ST6GALNAC5: variants seen among roughly 807,000 people sequenced by gnomAD.
The protein encoded by ST6GALNAC5 is ST6 N-acetylgalactosaminide alpha-2,6-sialyltransferase 5.
ST6GALNAC5 carries 27 observed loss-of-function variants against 33.6 expected under a neutral mutation model. The observed-to-expected ratio is 0.80, with a 90% CI of 0.59 to 1.11. The LOEUF is 1.11. ST6GALNAC5 is among the 50% of genes least tolerant of loss of function. The pLI, the probability that ST6GALNAC5 is intolerant of heterozygous loss-of-function variation, is 0.00. For synonymous variants in ST6GALNAC5, 194 were observed against 171.2 expected, an observed-to-expected ratio of 1.13 and a Z score of -1.04; for missense variants, 428 against 454.0, an observed-to-expected ratio of 0.94 and a Z score of 0.52.
chr1:76,997,004 C>T (rs1052598456), intron 2 of ST6GALNAC5, among the ~76,000 whole-genome samples: 1 of 152,162 alleles, frequency 6.6e-6, no homozygotes, highest in Non-Finnish European at 1.5e-5. Context: ...AGGAACATCA[C>T]ATGAACCCCT....
At chr1:77,010,882 G>A (rs1650609811) in intron 2 of ST6GALNAC5, among the ~76,000 whole-genome samples, 1 of 152,230 alleles carries the variant, frequency 6.6e-6, no homozygotes, top group Non-Finnish European at 1.5e-5. Flanking sequence ...TCCTGAAAAT[G>A]ATATTTGAAA....
At chr1:76,954,973 G>T (rs1647897028) in intron 2 of ST6GALNAC5, among the ~76,000 whole-genome samples, 1 of 152,118 alleles carries the variant, frequency 6.6e-6, no homozygotes, top group East Asian at 1.9e-4. Context: ...TATGGAGAAG[G>T]GATTGGGGAT....
chr1:76,887,474 T>C (rs74092209), intron 2 of ST6GALNAC5, among the ~76,000 whole-genome samples: 8,544 of 152,272 alleles, frequency 0.056, 633 homozygotes, highest in African/African-American at 0.17. Context: ...ATATCTTTTT[T>C]CATCCTATAA....
chr1:76,987,468 G>A (rs1570741506), intron 2 of ST6GALNAC5, among the ~76,000 whole-genome samples: 1 of 152,242 alleles, frequency 6.6e-6, no homozygotes, highest in East Asian at 1.9e-4. Context: ...TGGGAAAATT[G>A]GAACCCTCAT....
intron 2 of ST6GALNAC5, among the ~76,000 whole-genome samples, chr1:76,887,501 G>A (rs1570640280): frequency 1.3e-5 from 2 of 152,110 alleles, no homozygotes; most frequent in South Asian, 4.2e-4. Context: ...GTCTTTCTGT[G>A]TACTTATATT....
rs1384282759 is a variant in ST6GALNAC5, at chr1:76,868,272, G to T, written c.16-225G>T. Among the ~76,000 whole-genome samples, 4 of 152,014 alleles carry T rather than the reference G, an allele frequency of 2.6e-5. No individual in the cohort carries two copies. Among genetic ancestry groups the T allele is most frequent in the African/African-American group, 9.7e-5 (4 of 41,414 alleles). On this transcript the variant is annotated intron_variant, in intron 1 of 4. Transcript: ENST00000477717. The surrounding 1 kb of genome is among the most constrained non-coding windows in gnomAD (Gnocchi z 4.3). The stretch of plus-strand genomic sequence containing the variant: ...GTACACCACCTGCCCTCTACCGAGA[G>T]ATCTGGGCGGCGGCGGCCGAAAGCA...
At chr1:76,937,349 A>G (rs540470718) in intron 2 of ST6GALNAC5, among the ~76,000 whole-genome samples, 7 of 152,188 alleles carry the variant, frequency 4.6e-5, no homozygotes, top group African/African-American at 1.7e-4. Context: ...GATGTGACAG[A>G]TCACTCAAAA....
intron 2 of ST6GALNAC5, among the ~76,000 whole-genome samples, chr1:76,988,464 T>G (rs975475879): frequency 6.6e-6 from 1 of 152,100 alleles, no homozygotes; most frequent in Non-Finnish European, 1.5e-5. Context: ...ATCTTAGTCC[T>G]CTGGTGTTTG....
At chr1:76,985,684 A>T (rs1428682436) in intron 2 of ST6GALNAC5, among the ~76,000 whole-genome samples, 2 of 152,226 alleles carry the variant, frequency 1.3e-5, no homozygotes, top group African/African-American at 4.8e-5. Flanking sequence ...AGCAAAAAAG[A>T]GCCCGCATTG....
chr1:77,061,632 A>G (rs906264601), intron 4 of ST6GALNAC5, among the ~76,000 whole-genome samples: 22 of 152,314 alleles, frequency 1.4e-4, no homozygotes, highest in Middle Eastern at 3.4e-3. Context: ...TCAAATTAGG[A>G]AAGTTTGTCT....
intron 2 of ST6GALNAC5, among the ~76,000 whole-genome samples, chr1:76,884,415 A>G (rs1265546332): frequency 1.3e-5 from 2 of 152,122 alleles, no homozygotes; most frequent in East Asian, 3.8e-4. Flanking sequence ...GAGACTCCAT[A>G]ATGCATATTG....
intron 4 of ST6GALNAC5, among the ~76,000 whole-genome samples, chr1:77,059,707 T>G (rs1652513215): frequency 6.6e-6 from 1 of 152,184 alleles, no homozygotes; most frequent in African/African-American, 2.4e-5. Flanking sequence ...TTTTTCCCCA[T>G]TAATGTTCTG....
intron 2 of ST6GALNAC5, among the ~76,000 whole-genome samples, chr1:76,946,801 A>G (rs1012253997): frequency 3.9e-5 from 6 of 152,194 alleles, no homozygotes; most frequent in African/African-American, 1.4e-4. Context: ...AAACACACAC[A>G]GATTTTTATA....
chr1:76,885,093 A>G (rs1360497963), intron 2 of ST6GALNAC5, among the ~76,000 whole-genome samples: 1 of 152,158 alleles, frequency 6.6e-6, no homozygotes, highest in African/African-American at 2.4e-5. Context: ...CTTACTTTAT[A>G]TCTCTTTCAG....
chr1:76,928,422 G>A (rs559996751), intron 2 of ST6GALNAC5, among the ~76,000 whole-genome samples: 96 of 152,108 alleles, frequency 6.3e-4, no homozygotes, highest in Non-Finnish European at 9.1e-4. Flanking sequence ...TATCAGCTGT[G>A]TCACAAGTCC....
At chr1:77,028,489 G>A (rs1014028242) in intron 2 of ST6GALNAC5, among the ~76,000 whole-genome samples, 4 of 152,200 alleles carry the variant, frequency 2.6e-5, no homozygotes, top group African/African-American at 9.7e-5. Flanking sequence ...CCCACTTTCT[G>A]CAGCTTCAGA....
intron 2 of ST6GALNAC5, among the ~76,000 whole-genome samples, chr1:76,874,613 T>C (rs2100914041): frequency 6.6e-6 from 1 of 152,296 alleles, no homozygotes; most frequent in South Asian, 2.1e-4. Flanking sequence ...GCTGGGAGAC[T>C]AGGCCCATCT....
chr1:76,919,719 A>G (rs950248091), intron 2 of ST6GALNAC5, among the ~76,000 whole-genome samples: 8 of 152,210 alleles, frequency 5.3e-5, no homozygotes, highest in African/African-American at 1.7e-4. Context: ...TCAAGCCAAG[A>G]GTTCTTAGTT....
chr1:77,007,240 GA>G (rs1650458055), intron 2 of ST6GALNAC5, among the ~76,000 whole-genome samples: 1 of 152,272 alleles, frequency 6.6e-6, no homozygotes, highest in East Asian at 1.9e-4. Context: ...AGGGTTATCT[GA>G]AAACTTTCTC....
Sources: allele counts gnomAD v4.1 joint callset (sites outside exome capture counted in the v4.1 genomes callset), GRCh38; gene constraint gnomAD v4.1.1; non-coding constraint Gnocchi (gnomAD v3.1); transcripts MANE v1.5; gene names NCBI Gene and HGNC (gene_info 2026-07-23, HGNC 2026-07-21).